Variants in HYDIN observed in about 807,000 individuals in gnomAD.
HYDIN encodes axonemal central pair apparatus protein HYDIN.
In HYDIN, 132 loss-of-function variants were observed where a neutral mutation model predicts 403.9. The ratio of observed to expected loss-of-function variants is 0.33; its 90% CI spans 0.28 to 0.38. The LOEUF is 0.38. Ranked by LOEUF, HYDIN falls within the 10% of genes least tolerant of loss-of-function variation. The pLI is 1.00. For synonymous variants in HYDIN, 1,202 were observed against 1,891.7 expected, an observed-to-expected ratio of 0.64 and a Z score of 9.46; for missense variants, 2,827 against 5,009.5, an observed-to-expected ratio of 0.56 and a Z score of 13.15.
Position 70,868,779 on chromosome 16 carries a change from G to C in HYDIN, c.11101C>G (p.Leu3701Val). The C allele has an allele frequency of 6.2e-7, 1 of 1,613,814 alleles. No homozygotes were observed. The highest frequency in any genetic ancestry group is 8.5e-7 in the Non-Finnish European group (1 of 1,179,930). The change falls in exon 66 of 86, where the codon CTC becomes GTC. Residue 3701 changes from leucine to valine, a missense_variant. Coordinates refer to ENST00000393567, the MANE Select transcript of HYDIN (RefSeq NM_001270974.2). ...ATGTCCTTGGCACACCCAGGGTGGA[G>C]GTGGCCCATCTAGGAAAGAGCCTGG... ...TIAFSPQMGH[L>V]HPGCAKDIVV...
chr16:71,171,405 G>T (rs1221822392), intron 5 of HYDIN, among the ~76,000 whole-genome samples: 1 of 152,130 alleles, frequency 6.6e-6, no homozygotes, highest in African/African-American at 2.4e-5. Flanking sequence ...GTATATATTT[G>T]TTTGTTTGTT....
intron 78 of HYDIN, among the ~76,000 whole-genome samples, chr16:70,834,629 C>G (rs2037245680): frequency 6.6e-6 from 1 of 152,070 alleles, no homozygotes; most frequent in Non-Finnish European, 1.5e-5. Flanking sequence ...AGGTGGATCA[C>G]TTGAGGTCAG....
chr16:71,020,295 G>C lies in HYDIN; in HGVS notation c.3209C>G (p.Pro1070Arg). ...LEKKPNSILKPDYQPLAIKNI... is the reference protein window; with the variant it reads ...LEKKPNSILKRDYQPLAIKNI... The stretch of plus-strand genomic sequence containing the variant: ...CTTTATGGCCAAGGGCTGGTAATCA[G>C]GTTTCAGGATACTGTTAGGTTTCTG... The change falls in exon 22 of 86, where the codon CCT (proline) becomes CGT (arginine). Residue 1070 changes from proline (P) to arginine (R), a missense_variant. Pro to Arg is a moderately radical substitution (Grantham distance 103). Coordinates refer to ENST00000393567, the MANE Select transcript of HYDIN (RefSeq NM_001270974.2). The C allele has an allele frequency of 6.2e-7, 1 of 1,614,002 alleles. No individual in the cohort carries two copies. The highest frequency in any genetic ancestry group is 1.1e-5 in the South Asian group (1 of 91,072).
intron 15 of HYDIN, among the ~76,000 whole-genome samples, chr16:71,065,399 G>A (rs1401267450): frequency 6.6e-6 from 1 of 152,094 alleles, no homozygotes; most frequent in Non-Finnish European, 1.5e-5. Context: ...GCGGGGGTGA[G>A]GTGGGGGGAG....
At chr16:71,021,922 A>G (rs1341941168) in intron 21 of HYDIN, among the ~76,000 whole-genome samples, 1 of 151,942 alleles carries the variant, frequency 6.6e-6, no homozygotes, top group African/African-American at 2.4e-5. Context: ...CTCGAGCCTC[A>G]TGCCTTGGTT....
chr16:71,067,322 T>C lies in HYDIN; in HGVS notation c.2043A>G (p.Gly681=). Residue 681 remains glycine, a synonymous_variant, in exon 15 of 86, where the codon GGA becomes GGG. Transcript: ENST00000393567. ...LALVVDVEGI[G]EEVLALLITA... is the part of the protein sequence containing the mutation. ...TAATTAAGAGCGCCAGCACCTCTTC[T>C]CCGATGCCCTCCACGTCCACCACGA... 1.2e-6 allele frequency: 2 copies of C among 1,613,068 alleles called. No homozygotes were observed. Among genetic ancestry groups the C allele is most frequent in the Non-Finnish European group, 1.7e-6 (2 of 1,179,510 alleles).
chr16:70,898,941 T>C (rs1161542223), intron 53 of HYDIN, among the ~76,000 whole-genome samples: 3 of 152,188 alleles, frequency 2.0e-5, no homozygotes, highest in African/African-American at 7.2e-5. Flanking sequence ...TGTAATTTTG[T>C]ATTTTTGTAT....
intron 41 of HYDIN, among the ~76,000 whole-genome samples, chr16:70,946,298 T>TAG (rs2077858670): frequency 7.0e-6 from 1 of 142,684 alleles, no homozygotes; most frequent in Admixed American, 7.2e-5. Context: ...GAAATCAGAA[T>TAG]AGAGATCATC....
At chr16:70,862,401 A>ACAGCTCCC in intron 68 of HYDIN, 146 bp from the exon 69 acceptor site, 6 of 556,418 alleles carry the variant, frequency 1.1e-5, no homozygotes, top group Non-Finnish European at 9.4e-6. Context: ...AACCTTGGGT[A>ACAGCTCCC]TTAGAGGTAG....
At chr16:70,871,045 C>CA (rs111860836) in intron 65 of HYDIN, among the ~76,000 whole-genome samples, 64 of 151,422 alleles carry the variant, frequency 4.2e-4, no homozygotes, top group African/African-American at 1.5e-3. Context: ...CAAACAAAAA[C>CA]AAAAAAAAGT....
At chr16:71,074,152 T>G (rs1371922619) in intron 13 of HYDIN, among the ~76,000 whole-genome samples, 2 of 152,116 alleles carry the variant, frequency 1.3e-5, no homozygotes, top group African/African-American at 4.8e-5. Flanking sequence ...GCTTAATGTA[T>G]TCCCCACTAT....
intron 23 of HYDIN, among the ~76,000 whole-genome samples, chr16:71,007,394 G>A (rs913070049): frequency 5.3e-5 from 8 of 152,220 alleles, no homozygotes; most frequent in African/African-American, 9.6e-5. Context: ...GAGAAGGTTC[G>A]TTTAAATATA....
In HYDIN at chr16:70,964,882, C is replaced by T; in HGVS notation, c.5634G>A (p.Leu1878=). 3 of 1,613,776 alleles carry T rather than the reference C, an allele frequency of 1.9e-6. No individual in the cohort carries two copies. In the South Asian group the frequency reaches 3.3e-5, roughly 18 times the overall value. Reference sequence around the variant, plus strand: ...GGGTGTTGTAGGAATCATAGCCCTTCAGCTTCCGCAAGATCTGCTCGAGGG... The same window carrying T: ...GGGTGTTGTAGGAATCATAGCCCTTTAGCTTCCGCAAGATCTGCTCGAGGG... ...YLIEEKILRK[L]KGYDSYNTLL... is the part of the protein sequence containing the mutation. Residue 1878 remains leucine (L), a synonymous_variant, in exon 37 of 86, where the codon CTG becomes CTA. Coordinates refer to ENST00000393567, the MANE Select transcript of HYDIN (RefSeq NM_001270974.2).
chr16:70,923,707 G>A (rs111843364), intron 45 of HYDIN, among the ~76,000 whole-genome samples: 5,627 of 145,976 alleles, frequency 0.039, 158 homozygotes, highest in East Asian at 0.056. Context: ...TGTAGTCCCA[G>A]CTACTCAGGA....
Position 70,986,136 on chromosome 16 carries a change from A to T in HYDIN, c.4195-814T>A, listed in dbSNP as rs569225716. Among the ~76,000 whole-genome samples, 26 of 132,530 alleles carry T rather than the reference A, an allele frequency of 2.0e-4. 1 individual carries two copies. The highest frequency in any genetic ancestry group is 3.5e-3 in the Middle Eastern group (1 of 288). 86.9% of individuals were successfully genotyped at this position (132,530 alleles called of 152,430 possible). A position where few individuals can be genotyped will look rare whatever the true frequency, so the allele number is the denominator to read the frequency against. On this transcript the variant is annotated intron_variant, in intron 27 of 85. Transcript: ENST00000393567. ...GAATTAAAATAAATAAATTAAAAAA[A>T]AAAAGATTTGCCTTCTGGATTCTGT...
At chr16:71,185,033 G>A (rs2144664346) in intron 2 of HYDIN, 43 bp from the exon 3 acceptor site, 3 of 1,464,674 alleles carry the variant, frequency 2.0e-6, no homozygotes, top group South Asian at 2.8e-5. Context: ...TTAAGTGGAT[G>A]TACTGAAAAA....
chr16:71,227,521 C>G (rs985126985), intron 1 of HYDIN, among the ~76,000 whole-genome samples: 2 of 152,070 alleles, frequency 1.3e-5, no homozygotes, highest in Non-Finnish European at 2.9e-5. Flanking sequence ...ACACCAATAA[C>G]AGACAAACAG....
At chr16:70,956,373 T>G (rs953398175) in intron 39 of HYDIN, among the ~76,000 whole-genome samples, 2 of 152,176 alleles carry the variant, frequency 1.3e-5, no homozygotes, top group Non-Finnish European at 2.9e-5. Context: ...AGTACACATG[T>G]AACTGTATTT....
chr16:71,110,243 T>A (rs57119994), intron 10 of HYDIN, among the ~76,000 whole-genome samples: 181 of 146,008 alleles, frequency 1.2e-3, no homozygotes, highest in African/African-American at 4.0e-3. Context: ...TGTGTGTATA[T>A]ATATATTATA....
Sources: allele counts gnomAD v4.1 joint callset (sites outside exome capture counted in the v4.1 genomes callset), GRCh38; gene constraint gnomAD v4.1.1; transcripts MANE v1.5; gene names NCBI Gene and HGNC (gene_info 2026-07-23, HGNC 2026-07-21).